The following HEPH variants were observed in gnomAD, a reference collection of about 807,000 sequenced individuals.
The protein encoded by HEPH is hephaestin.
In HEPH, 69 loss-of-function variants were observed where a neutral mutation model predicts 80.8. The observed-to-expected ratio is 0.85, with a 90% CI of 0.70 to 1.04. The LOEUF is 1.04. Among genes scored for constraint, HEPH ranks in the 50% least tolerant of loss-of-function variants. The probability of loss-of-function intolerance (pLI) is 0.00; values close to 1 mark genes in which losing one functional copy is unlikely to be tolerated. For synonymous variants in HEPH, 431 were observed against 322.8 expected (o/e 1.34, Z -3.60); for missense variants, 1,115 against 891.3 (o/e 1.25, Z -3.20).
chrX:66,234,945 G>A (rs1416227099), intron 15 of HEPH, among the ~76,000 whole-genome samples: 2 of 110,600 alleles, frequency 1.8e-5, no homozygotes, highest in Admixed American at 9.7e-5. Context: ...CACCACACCT[G>A]GCCATTGAGC....
intron 9 of HEPH, 42 bp from the exon 10 acceptor site, chrX:66,197,641 T>G (rs1332793031): frequency 1.8e-6 from 2 of 1,084,857 alleles, no homozygotes; most frequent in Admixed American, 2.2e-5. Context: ...ATGATTCTCA[T>G]TCTAGTCAAT....
intron 15 of HEPH, among the ~76,000 whole-genome samples, chrX:66,229,696 G>A (rs915685449): frequency 8.1e-5 from 9 of 111,798 alleles, no homozygotes; most frequent in African/African-American, 1.3e-4. Context: ...GTATTAGATG[G>A]CATAGATTCT....
intron 15 of HEPH, among the ~76,000 whole-genome samples, chrX:66,231,836 G>C (rs1270037123): frequency 9.3e-6 from 1 of 107,356 alleles, no homozygotes; most frequent in Non-Finnish European, 1.9e-5. Context: ...TGGTGAGAGA[G>C]GGCATCCCTG....
At chrX:66,231,756 G>A (rs1165062567) in intron 15 of HEPH, among the ~76,000 whole-genome samples, 1 of 106,899 alleles carries the variant, frequency 9.4e-6, no homozygotes, top group African/African-American at 3.4e-5. Flanking sequence ...TTTCCTAATT[G>A]AATACCCTTT....
chrX:66,170,984 A>G, intron 2 of HEPH: 1 of 356,828 alleles, frequency 2.8e-6, no homozygotes, highest in Non-Finnish European at 5.0e-6. Flanking sequence ...CTGTTTTCTA[A>G]TCTCATACCC....
intron 17 of HEPH, among the ~76,000 whole-genome samples, chrX:66,256,836 T>G (rs1428049666): frequency 8.9e-6 from 1 of 112,228 alleles, no homozygotes; most frequent in East Asian, 2.8e-4. Flanking sequence ...GAAGAGATCC[T>G]CAGTGAGAAG....
At chrX:66,180,927 T>C (rs1187319208) in intron 4 of HEPH, among the ~76,000 whole-genome samples, 7 of 98,131 alleles carry the variant, frequency 7.1e-5, no homozygotes, top group Non-Finnish European at 1.4e-4. Flanking sequence ...AATTCCCACC[T>C]ATGAGTGAGA....
intron 17 of HEPH, among the ~76,000 whole-genome samples, chrX:66,257,686 G>A (rs1384655699): frequency 8.9e-6 from 1 of 111,980 alleles, no homozygotes; most frequent in African/African-American, 3.2e-5. Context: ...CCATTTCTGT[G>A]GCCTGATTGA....
At chrX:66,171,279 G>A in intron 2 of HEPH, 1 of 199,135 alleles carries the variant, frequency 5.0e-6, no homozygotes, top group South Asian at 6.9e-5. Context: ...GTAAGTATGT[G>A]TGTAGTTATT....
At chrX:66,166,505 G>C (rs1038757359) in intron 1 of HEPH, among the ~76,000 whole-genome samples, 8 of 112,163 alleles carry the variant, frequency 7.1e-5, no homozygotes, top group African/African-American at 2.6e-4. Flanking sequence ...TAACATCTAA[G>C]TGGTTATAAA....
intron 15 of HEPH, among the ~76,000 whole-genome samples, chrX:66,220,502 T>C (rs1451588896): frequency 9.0e-6 from 1 of 111,626 alleles, no homozygotes; most frequent in Non-Finnish European, 1.9e-5. Flanking sequence ...GGGCCACTTT[T>C]CCTTTTCTGA....
At chrX:66,227,770 C>T (rs1406894060) in intron 15 of HEPH, among the ~76,000 whole-genome samples, 1 of 111,029 alleles carries the variant, frequency 9.0e-6, no homozygotes, top group African/African-American at 3.3e-5. Flanking sequence ...TTTTTTTATA[C>T]TAGTACCATG....
At position 66,198,825 on chromosome X, in the gene HEPH, A is replaced by G. The variant is rs2088255796; in HGVS notation, c.1714-53A>G. On this transcript the variant is annotated intron_variant, in intron 10 of 20. Transcript: ENST00000343002. ...TTGATCTGTAACGACACAGTCTACA[A>G]CTGCTGAAACTATTGTCATTATTCC... is the stretch of plus-strand genomic sequence containing the variant. 9.4e-6 allele frequency: 9 copies of G among 959,970 alleles called. No individual in the cohort carries two copies. The Admixed American group carries it at 1.6e-4, about 17-fold the overall frequency. 79.1% of individuals were successfully genotyped at this position (959,970 alleles called of 1,213,427 possible).
chrX:66,202,912 C>CATATATATATATATATATAT (rs759619010), intron 12 of HEPH, among the ~76,000 whole-genome samples: 3 of 81,785 alleles, frequency 3.7e-5, no homozygotes, highest in East Asian at 3.8e-4. Context: ...TTTATGTGTG[C>CATATATATATATATATATAT]ATATATATAT....
At chrX:66,218,991 A>T (rs964676426) in intron 15 of HEPH, among the ~76,000 whole-genome samples, 1 of 111,806 alleles carries the variant, frequency 8.9e-6, no homozygotes, top group South Asian at 3.8e-4. Context: ...ATAAGACAAT[A>T]TGAGGGGTGG....
rs757471459 is a variant in HEPH at position 66,213,020 on chromosome X, T to A, written c.2563+4774T>A. ...GTTTGTAGTTTTTTTTAAATTAATT[T>A]ATTTATTTTATTTATTTATTTTAAT... On this transcript the variant is annotated intron_variant, in intron 15 of 20. Transcript: ENST00000343002. 5.9e-4 allele frequency among the ~76,000 whole-genome samples: 65 copies of A among 109,496 alleles called. 1 individual carries two copies. In the East Asian group the frequency reaches 8.7e-3, roughly 15 times the overall value.
At chrX:66,229,620 G>T (rs997714932) in intron 15 of HEPH, among the ~76,000 whole-genome samples, 1 of 111,477 alleles carries the variant, frequency 9.0e-6, no homozygotes, top group Non-Finnish European at 1.9e-5. Context: ...AAAACATTTT[G>T]AAGACTACCT....
intron 9 of HEPH, 102 bp from the exon 10 acceptor site, chrX:66,197,581 C>T: frequency 6.1e-6 from 4 of 650,520 alleles, no homozygotes; most frequent in South Asian, 5.1e-5. Context: ...GCTACTGCTG[C>T]TCCAAAATGC....
At chrX:66,228,196 A>G (rs1451782918) in intron 15 of HEPH, among the ~76,000 whole-genome samples, 2 of 112,149 alleles carry the variant, frequency 1.8e-5, no homozygotes, top group African/African-American at 6.5e-5. Flanking sequence ...GTTTCCTCTT[A>G]TAAAACCATC....
Sources: gnomAD v4.1 joint callset for allele counts (sites outside exome capture counted in the v4.1 genomes callset) on GRCh38, gnomAD v4.1.1 for gene constraint, MANE v1.5 for transcripts, NCBI Gene and HGNC (gene_info 2026-07-23, HGNC 2026-07-21) for gene names.